The following DRGX variants were observed in gnomAD, a reference collection of about 807,000 sequenced individuals.
DRGX encodes the protein dorsal root ganglia homeobox, also known as dorsal root ganglia homeobox protein.
A neutral mutation model predicts 28.6 loss-of-function variants in DRGX; 21 were observed. The observed-to-expected ratio is 0.73, with a 90% CI of 0.52 to 1.06. The LOEUF (loss-of-function observed/expected upper bound fraction) is 1.06, where lower values mean the gene tolerates loss of function less well. Ranked by LOEUF, DRGX falls within the 50% of genes least tolerant of loss-of-function variation. The probability of loss-of-function intolerance (pLI) is 0.00; values close to 1 mark genes in which losing one functional copy is unlikely to be tolerated. For synonymous variants in DRGX, 136 were observed against 139.1 expected, an observed-to-expected ratio of 0.98 and a Z score of 0.16; for missense variants, 354 against 343.9, an observed-to-expected ratio of 1.03 and a Z score of -0.23.
chr10:49,395,367 T>C, intron 2 of DRGX, 40 bp downstream of exon 2: 2 of 1,548,624 alleles, frequency 1.3e-6, no homozygotes, highest in African/African-American at 1.4e-5. Context: ...TCTGGCCGGC[T>C]CTGGCTTCAT....
chr10:49,389,225 A>G (rs1212020914), intron 4 of DRGX, among the ~76,000 whole-genome samples: 4 of 152,214 alleles, frequency 2.6e-5, no homozygotes, highest in Non-Finnish European at 4.4e-5. Flanking sequence ...TAATTTGTTT[A>G]CAACCCCCAA....
At chr10:49,378,896 A>G (rs1849744216) in intron 6 of DRGX, among the ~76,000 whole-genome samples, 5 of 152,214 alleles carry the variant, frequency 3.3e-5, no homozygotes, top group African/African-American at 1.2e-4. Context: ...TATATGCTGT[A>G]TATCTACTAT....
intron 6 of DRGX, among the ~76,000 whole-genome samples, chr10:49,376,244 A>G (rs1484345401): frequency 6.6e-6 from 1 of 152,206 alleles, no homozygotes; most frequent in Non-Finnish European, 1.5e-5. Context: ...ACAAATCTTA[A>G]GTGCCAGGAT....
At chr10:49,388,054 A>T (rs1849859803) in intron 4 of DRGX, among the ~76,000 whole-genome samples, 1 of 152,194 alleles carries the variant, frequency 6.6e-6, no homozygotes. Flanking sequence ...TACTCATGTC[A>T]TCTCCGTCAC....
chr10:49,395,598 C>A, intron 1 of DRGX, 77 bp from the exon 2 acceptor site: 3 of 851,366 alleles, frequency 3.5e-6, no homozygotes, highest in East Asian at 2.7e-5. Flanking sequence ...GCACCCGGCG[C>A]TCCCCTCCTG....
intron 3 of DRGX, among the ~76,000 whole-genome samples, chr10:49,390,903 G>A (rs1849895565): frequency 6.6e-6 from 1 of 152,228 alleles, no homozygotes; most frequent in Admixed American, 6.5e-5. Context: ...TGCTGACATG[G>A]AAGTGTTCCC....
In DRGX at chr10:49,388,521, T is replaced by C. The variant is rs545704632; in HGVS notation, c.234+1612A>G. 9.2e-5 allele frequency among the ~76,000 whole-genome samples: 14 copies of C among 152,374 alleles called. No homozygotes were observed. In the South Asian group the frequency reaches 2.9e-3, roughly 32 times the overall value. ...ATTGCACATATCAGCAACCATTGAA[T>C]AATGATTTTATCTATATTCTAAATT... On this transcript the variant is annotated intron_variant, in intron 4 of 6. Transcript: ENST00000374139.
intron 6 of DRGX, among the ~76,000 whole-genome samples, chr10:49,368,393 A>C (rs1849621269): frequency 6.6e-6 from 1 of 152,192 alleles, no homozygotes; most frequent in Admixed American, 6.5e-5. Flanking sequence ...TGTGCAAGGG[A>C]GCTCTGAGAC....
Position 49,376,000 on chromosome 10 carries a change from G to A in DRGX, c.527-9619C>T, listed in dbSNP as rs114585350. The stretch of plus-strand genomic sequence containing the variant: ...TCAGCACCCATAGGAAATGGCTTCT[G>A]CAGAGTGAGTTGCAGGTTTTCAAGC... On this transcript the variant is annotated intron_variant, in intron 6 of 6. Transcript: ENST00000374139. 5.9e-3 allele frequency among the ~76,000 whole-genome samples: 898 copies of A among 152,232 alleles called. 10 individuals are homozygous for A. Among genetic ancestry groups the A allele is most frequent in the African/African-American group, 0.02 (847 of 41,534 alleles).
chr10:49,395,510 G>T lies in DRGX; in HGVS notation c.-70C>A. 4 of 1,510,184 alleles carry T rather than the reference G, an allele frequency of 2.6e-6. No homozygotes were observed. Among genetic ancestry groups the T allele is most frequent in the Non-Finnish European group, 9.0e-7 (1 of 1,113,154 alleles). The allele number at this position is 1,510,184 out of a possible 1,614,324, so 93.5% of individuals were successfully genotyped here. ...GCAGCAGAACGGACCCGCGCGCGTT[G>T]CTCCTGCCTGGCTGCAAAGCAAACA... is the stretch of plus-strand genomic sequence containing the variant. On this transcript the variant is annotated 5_prime_UTR_variant, in exon 2 of 7. Transcript: ENST00000374139.
rs1046087020 is a variant in DRGX, at chr10:49,364,355, T to C, written c.*1761A>G. 6.6e-6 allele frequency: 1 copy of C among 152,258 alleles called. No individual in the cohort carries two copies. Among genetic ancestry groups the C allele is most frequent in the African/African-American group, 2.4e-5 (1 of 41,466 alleles). 9.4% of individuals were successfully genotyped at this position (152,258 alleles called of 1,614,324 possible). A position where few individuals can be genotyped will look rare whatever the true frequency, so the allele number is the denominator to read the frequency against. On this transcript the variant is annotated 3_prime_UTR_variant, in exon 7 of 7. Transcript: ENST00000374139. ...GTGTGTGTAGTTTACTTAATTGTGTTATTGACGATCAAAAGTAATTTCCTG... is the reference window on the plus strand; with the variant it reads ...GTGTGTGTAGTTTACTTAATTGTGTCATTGACGATCAAAAGTAATTTCCTG...
At chr10:49,377,031 A>C (rs959913031) in intron 6 of DRGX, among the ~76,000 whole-genome samples, 1 of 152,182 alleles carries the variant, frequency 6.6e-6, no homozygotes, top group Non-Finnish European at 1.5e-5. Flanking sequence ...TGTGGTTCAG[A>C]GTCTGGCAAA....
chr10:49,384,711 G>A (rs1849812810), intron 6 of DRGX, among the ~76,000 whole-genome samples: 1 of 152,102 alleles, frequency 6.6e-6, no homozygotes, highest in South Asian at 2.1e-4. Context: ...TGCTGAGCTG[G>A]GAGCACCCCC....
intron 2 of DRGX, chr10:49,391,998 A>G (rs1488259457): frequency 1.6e-5 from 6 of 385,472 alleles, no homozygotes; most frequent in Non-Finnish European, 3.1e-5. Flanking sequence ...AGCACCTACC[A>G]CTTCTACTTC....
intron 6 of DRGX, among the ~76,000 whole-genome samples, chr10:49,381,334 A>G (rs1049402431): frequency 1.3e-4 from 20 of 152,282 alleles, no homozygotes; most frequent in Admixed American, 4.6e-4. Context: ...GGCCAGCCTC[A>G]TTGGAGTGGC....
chr10:49,369,716 G>A (rs928317222), intron 6 of DRGX, among the ~76,000 whole-genome samples: 1 of 152,106 alleles, frequency 6.6e-6, no homozygotes, highest in African/African-American at 2.4e-5. Context: ...ACTTAAAAAT[G>A]GTTAAGATGG....
chr10:49,391,297 G>A (rs368101919), intron 2 of DRGX, 36 bp from the exon 3 acceptor site: 2 of 1,589,690 alleles, frequency 1.3e-6, no homozygotes, highest in Non-Finnish European at 1.7e-6. Flanking sequence ...GGGCAGGAAG[G>A]GGCCCCAGTC....
At chr10:49,373,536 G>A (rs1849682527) in intron 6 of DRGX, among the ~76,000 whole-genome samples, 1 of 152,186 alleles carries the variant, frequency 6.6e-6, no homozygotes, top group Admixed American at 6.5e-5. Context: ...TAAGTCATGA[G>A]CACAGATCTC....
intron 6 of DRGX, among the ~76,000 whole-genome samples, chr10:49,377,620 C>T (rs1849730031): frequency 6.6e-6 from 1 of 152,226 alleles, no homozygotes; most frequent in East Asian, 1.9e-4. Context: ...CCCAAGCTAA[C>T]CATAGGAGAG....
Sources: gnomAD v4.1 joint callset for allele counts (sites outside exome capture counted in the v4.1 genomes callset) on GRCh38, gnomAD v4.1.1 for gene constraint, MANE v1.5 for transcripts, NCBI Gene and HGNC (gene_info 2026-07-23, HGNC 2026-07-21) for gene names.